AREL1: variants seen among roughly 807,000 people sequenced by gnomAD.
AREL1 encodes apoptosis resistant E3 ubiquitin protein ligase 1, also known as apoptosis-resistant E3 ubiquitin protein ligase 1.
AREL1 carries 62 observed loss-of-function variants against 99.0 expected under a neutral mutation model. The ratio of observed to expected loss-of-function variants is 0.63; its 90% CI spans 0.51 to 0.77. The LOEUF is 0.77. Among genes scored for constraint, AREL1 ranks in the 30% least tolerant of loss-of-function variants. The probability of loss-of-function intolerance (pLI) is 0.00; values close to 1 mark genes in which losing one functional copy is unlikely to be tolerated. For missense variants in AREL1, 879 were observed against 1,027.6 expected (o/e 0.86, Z 1.98); for synonymous variants, 380 against 376.5 (o/e 1.01, Z -0.11).
At chr14:74,705,193 C>G (rs1165866733) in intron 1 of AREL1, among the ~76,000 whole-genome samples, 9 of 152,166 alleles carry the variant, frequency 5.9e-5, no homozygotes, top group Non-Finnish European at 1.3e-4. Context: ...GCATGCGTCA[C>G]CACGCCCAGC....
intron 5 of AREL1, among the ~76,000 whole-genome samples, chr14:74,679,790 T>G (rs1339831836): frequency 2.0e-5 from 3 of 151,418 alleles, no homozygotes. Flanking sequence ...ATTGTGCCAT[T>G]GCACTCTAGC....
intron 17 of AREL1, 162 bp from the exon 18 acceptor site, chr14:74,665,087 AATTAC>A (rs2089183805): frequency 1.1e-5 from 6 of 538,322 alleles, no homozygotes; most frequent in Non-Finnish European, 1.0e-5. Context: ...TAGGAAAATC[AATTAC>A]ATACAACAGG....
intron 1 of AREL1, 136 bp from the exon 2 acceptor site, chr14:74,692,464 C>T (rs1016769971): frequency 6.0e-6 from 2 of 332,830 alleles, no homozygotes; most frequent in Non-Finnish European, 1.2e-5. Flanking sequence ...AATTGGTAAA[C>T]TCTGACCAAG....
chr14:74,685,734 A>T, intron 2 of AREL1, 74 bp from the exon 3 acceptor site: 1 of 1,369,594 alleles, frequency 7.3e-7, no homozygotes, highest in Admixed American at 1.9e-5. Context: ...GACAAAGAAG[A>T]GTGTATGGCG....
At chr14:74,695,003 A>AG (rs901525616) in intron 1 of AREL1, among the ~76,000 whole-genome samples, 1 of 150,950 alleles carries the variant, frequency 6.6e-6, no homozygotes, top group Non-Finnish European at 1.5e-5. Context: ...AAAAAAAAAA[A>AG]AAAAAAGAAA....
At chr14:74,705,570 C>G (rs1382265621) in intron 1 of AREL1, among the ~76,000 whole-genome samples, 5 of 152,106 alleles carry the variant, frequency 3.3e-5, no homozygotes, top group Non-Finnish European at 5.9e-5. Context: ...AAACTAGTTA[C>G]CCTTCTGGCT....
At chr14:74,686,274 G>A (rs936524037) in intron 2 of AREL1, among the ~76,000 whole-genome samples, 6 of 152,168 alleles carry the variant, frequency 3.9e-5, no homozygotes, top group African/African-American at 1.4e-4. Context: ...GAAAGACCAA[G>A]GAGAGGAACA....
At position 74,683,363 on chromosome 14, in the gene AREL1, A is replaced by AT. The variant is rs1246195516; in HGVS notation, c.413dup (p.Tyr138Ter). The change falls in exon 5 of 20, where the codon TAT (tyrosine) becomes TAAT (stop). Residue 138 changes from tyrosine (Y) to a stop codon, truncating the protein, a stop_gained and frameshift_variant. Coordinates refer to ENST00000356357, the MANE Select transcript of AREL1 (RefSeq NM_001039479.2). LOFTEE classifies it high-confidence loss of function. ...ATCCACCAAGCTTCACTGTGATTTC[A>AT]TAACGCCCAGCCTTGCGCACAGTGA... ...VAFTVRKAGRYEITVKLGGLN... is the reference protein window; with the variant it reads ...VAFTVRKAGR The AT allele has an allele frequency of 2.5e-6, 4 of 1,614,054 alleles. No homozygotes were observed. In the African/African-American group the frequency reaches 5.3e-5, roughly 22 times the overall value.
intron 2 of AREL1, 84 bp from the exon 3 acceptor site, chr14:74,685,744 G>A: frequency 7.3e-6 from 9 of 1,227,076 alleles, no homozygotes; most frequent in African/African-American, 1.5e-5. Flanking sequence ...AGTGTATGGC[G>A]TGAGCCAAAC....
Position 74,685,607 on chromosome 14 carries a change from G to GT in AREL1, c.8dup (p.Tyr3Ter). 6.2e-7 allele frequency: 1 copy of GT among 1,614,096 alleles called. No individual in the cohort carries two copies. The highest frequency in any genetic ancestry group is 8.5e-7 in the Non-Finnish European group (1 of 1,179,996). ...GCTCTTTCCATAACGTACCAATAAC[G>GT]TAAAACATCAGGTCCCGTCAATGCC... MF[Y>*]VIGGITVSVV... The change falls in exon 3 of 20, where the codon TAC becomes TAAC. Residue 3 changes from tyrosine (Y) to a stop codon, truncating the protein, a stop_gained and frameshift_variant. Transcript: ENST00000356357. LOFTEE classifies it high-confidence loss of function.
chr14:74,712,710 C>CA (rs2090335986), intron 1 of AREL1: 1 of 293,770 alleles, frequency 3.4e-6, no homozygotes, highest in Non-Finnish European at 6.8e-6. Flanking sequence ...CCTAGCTGCA[C>CA]AAAGCACCAT....
rs191228269 is a variant in AREL1, at chr14:74,711,105, C to G, written c.-334+1828G>C. ...AATCAGCCAGGCGTGTTGGCGCACG[C>G]CTGTAATCCCAGCTACTCAGGAGGC... is the stretch of plus-strand genomic sequence containing the variant. On this transcript the variant is annotated intron_variant, in intron 1 of 19. Coordinates refer to ENST00000356357, the MANE Select transcript of AREL1 (RefSeq NM_001039479.2). 4.6e-5 allele frequency among the ~76,000 whole-genome samples: 7 copies of G among 152,200 alleles called. No homozygotes were observed. In the East Asian group the frequency reaches 1.2e-3, roughly 25 times the overall value.
chr14:74,686,843 T>G (rs1001977294), intron 2 of AREL1, among the ~76,000 whole-genome samples: 2 of 152,152 alleles, frequency 1.3e-5, no homozygotes, highest in Admixed American at 6.5e-5. Flanking sequence ...CTGGGAACAT[T>G]AGAATTGTCA....
intron 19 of AREL1, 34 bp from the exon 20 acceptor site, chr14:74,663,856 C>T (rs552049941): frequency 6.2e-7 from 1 of 1,614,150 alleles, no homozygotes; most frequent in East Asian, 2.2e-5. Context: ...TTAACTCATA[C>T]CACCAAAAAC....
At chr14:74,681,338 A>C (rs2089622060) in intron 5 of AREL1, among the ~76,000 whole-genome samples, 1 of 152,236 alleles carries the variant, frequency 6.6e-6, no homozygotes, top group Non-Finnish European at 1.5e-5. Flanking sequence ...AACCTGGATG[A>C]ATCTCCAGAA....
Position 74,683,421 on chromosome 14 carries a change from T to G in AREL1, c.356A>C (p.Gln119Pro), listed in dbSNP as rs1418861797. Residue 119 changes from glutamine (Q) to proline (P), a missense_variant, in exon 5 of 20, where the codon CAG becomes CCG. By Grantham distance (76) the Gln-to-Pro change is moderately conservative (BLOSUM62 -1). Coordinates refer to ENST00000356357, the MANE Select transcript of AREL1 (RefSeq NM_001039479.2). Reference sequence around the variant, plus strand: ...TTTTACTACGTTGGAATTGGGCTCCTGAAGGACTTCCTGGGTCACTGGAAT... The same window carrying G: ...TTTTACTACGTTGGAATTGGGCTCCGGAAGGACTTCCTGGGTCACTGGAAT... The part of the protein sequence containing the change: ...VEIPVTQEVL[Q>P]EPNSNVVKVA... The G allele has an allele frequency of 6.2e-7, 1 of 1,614,058 alleles. No individual in the cohort carries two copies. Among genetic ancestry groups the G allele is most frequent in the East Asian group, 2.2e-5 (1 of 44,898 alleles).
intron 1 of AREL1, among the ~76,000 whole-genome samples, chr14:74,700,251 AGGAAAGCATACTT>A (rs1300368844): frequency 6.6e-6 from 1 of 152,244 alleles, no homozygotes; most frequent in African/African-American, 2.4e-5. Flanking sequence ...CAACCATATG[AGGAAAGCATACTT>A]TATCCATATT....
intron 1 of AREL1, among the ~76,000 whole-genome samples, chr14:74,699,786 T>C (rs2090049833): frequency 6.6e-6 from 1 of 152,216 alleles, no homozygotes; most frequent in Non-Finnish European, 1.5e-5. Flanking sequence ...GGACTTGCTG[T>C]AAATTTCTCT....
intron 1 of AREL1, among the ~76,000 whole-genome samples, chr14:74,694,110 C>T (rs1202455522): frequency 1.3e-5 from 2 of 152,006 alleles, no homozygotes; most frequent in Non-Finnish European, 2.9e-5. Flanking sequence ...AGGAGGCAGA[C>T]GTTGACGTGA....
Sources: allele counts gnomAD v4.1 joint callset (sites outside exome capture counted in the v4.1 genomes callset), GRCh38; gene constraint gnomAD v4.1.1; transcripts MANE v1.5; gene names NCBI Gene and HGNC (gene_info 2026-07-23, HGNC 2026-07-21).